LARGE1: variants seen among roughly 807,000 people sequenced by gnomAD.
LARGE1 encodes the protein LARGE xylosyl- and glucuronyltransferase 1, also known as xylosyl- and glucuronyltransferase LARGE1.
In LARGE1, 43 loss-of-function variants were observed where a neutral mutation model predicts 87.6. That is an observed-to-expected ratio of 0.49 (90% CI 0.38 to 0.63). LARGE1 has a LOEUF of 0.63. Ranked by LOEUF, LARGE1 falls within the 30% of genes least tolerant of loss-of-function variation. LARGE1 has a pLI of 0.00. For synonymous variants in LARGE1, 434 were observed against 394.6 expected, an observed-to-expected ratio of 1.10 and a Z score of -1.18; for missense variants, 802 against 1,000.2, an observed-to-expected ratio of 0.80 and a Z score of 2.67.
At chr22:33,651,842 G>A (rs894669910) in intron 2 of LARGE1, among the ~76,000 whole-genome samples, 2 of 152,190 alleles carry the variant, frequency 1.3e-5, no homozygotes, top group African/African-American at 4.8e-5. Context: ...GTGAGTGCCA[G>A]CAACACTCCA....
intron 1 of LARGE1, among the ~76,000 whole-genome samples, chr22:33,882,502 G>A (rs2267310): frequency 0.22 from 34,093 of 152,110 alleles, 4,391 homozygotes; most frequent in Admixed American, 0.33. Context: ...ATGCCAGCCA[G>A]GAGACCTCTC....
At chr22:33,535,471 A>T (rs920337283) in intron 6 of LARGE1, among the ~76,000 whole-genome samples, 6 of 151,794 alleles carry the variant, frequency 4.0e-5, no homozygotes, top group Non-Finnish European at 7.4e-5. Context: ...TGAACCCGGG[A>T]GGTGGAGGAA....
chr22:33,360,102 T>C (rs2064330402), intron 9 of LARGE1, among the ~76,000 whole-genome samples: 1 of 149,608 alleles, frequency 6.7e-6, no homozygotes. Flanking sequence ...TCACTTGAGG[T>C]TCGAGTTTGA....
At chr22:33,618,555 G>A (rs926511904) in intron 4 of LARGE1, among the ~76,000 whole-genome samples, 2 of 152,176 alleles carry the variant, frequency 1.3e-5, no homozygotes, top group Non-Finnish European at 2.9e-5. Flanking sequence ...AAATACCATT[G>A]ATCTCTTACC....
intron 11 of LARGE1, among the ~76,000 whole-genome samples, chr22:33,259,758 C>G (rs1233808968): frequency 6.6e-6 from 1 of 152,226 alleles, no homozygotes; most frequent in Non-Finnish European, 1.5e-5. Flanking sequence ...GTTCCACTCT[C>G]TGCTTCCAGA....
At chr22:33,907,836 A>G (rs1002905861) in intron 1 of LARGE1, among the ~76,000 whole-genome samples, 1 of 152,030 alleles carries the variant, frequency 6.6e-6, no homozygotes, top group African/African-American at 2.4e-5. Flanking sequence ...TGACCTCGTG[A>G]TCCACCCGCC....
rs201362486 is a variant in LARGE1 at position 33,623,656 on chromosome 22, GA to G, written c.491+2587del. Among the ~76,000 whole-genome samples, 800 of 145,030 alleles carry G rather than the reference GA, an allele frequency of 5.5e-3. 5 individuals are homozygous for G. The highest frequency in any genetic ancestry group is 0.019 in the African/African-American group (749 of 38,924). ...ACTGAACTAATAAGTAAATGTTTCA[GA>G]CCATTAAGTTTTAGGGTGAACTGAC... On this transcript the variant is annotated intron_variant, in intron 4 of 14. Coordinates refer to ENST00000397394, the MANE Select transcript of LARGE1 (RefSeq NM_133642.5).
At chr22:33,287,798 G>T (rs946944271) in intron 12 of LARGE1, among the ~76,000 whole-genome samples, 2 of 152,220 alleles carry the variant, frequency 1.3e-5, no homozygotes, top group Admixed American at 1.3e-4. Context: ...GGCCCACCCT[G>T]AGAAGCTGAG....
chr22:33,771,222 GGTTTGTTA>G (rs2085060280), intron 1 of LARGE1, among the ~76,000 whole-genome samples: 1 of 148,950 alleles, frequency 6.7e-6, no homozygotes, highest in Non-Finnish European at 1.5e-5. Context: ...ATGCTGCCAC[GGTTTGTTA>G]CTATAATCCC....
At chr22:33,736,093 T>C (rs2083646744) in intron 2 of LARGE1, among the ~76,000 whole-genome samples, 1 of 152,228 alleles carries the variant, frequency 6.6e-6, no homozygotes, top group African/African-American at 2.4e-5. Context: ...TAATGCTGTC[T>C]TGAAAAATTT....
chr22:33,352,716 C>CA (rs1466492834), intron 9 of LARGE1, among the ~76,000 whole-genome samples: 1 of 152,062 alleles, frequency 6.6e-6, no homozygotes, highest in African/African-American at 2.4e-5. Flanking sequence ...GAGCTGAGAT[C>CA]ACACCACTGC....
At chr22:33,728,747 G>A (rs1375493946) in intron 2 of LARGE1, among the ~76,000 whole-genome samples, 1 of 151,914 alleles carries the variant, frequency 6.6e-6, no homozygotes, top group African/African-American at 2.4e-5. Flanking sequence ...AGCTACTAGA[G>A]GGCAGGACCC....
At chr22:33,092,091 G>T in the LARGE1 span, among the ~76,000 whole-genome samples, 1 of 152,112 alleles carries the variant, frequency 6.6e-6, no homozygotes, top group East Asian at 1.9e-4. Context: ...GTAGAGACAG[G>T]GTTTCACCAT....
the LARGE1 span, among the ~76,000 whole-genome samples, chr22:33,137,672 C>T: frequency 5.9e-5 from 9 of 152,068 alleles, no homozygotes; most frequent in African/African-American, 2.2e-4. Context: ...GTGGGACAGG[C>T]CCAGGGTCCC....
chr22:33,895,356 T>C (rs1601868850), intron 1 of LARGE1, among the ~76,000 whole-genome samples: 1 of 152,158 alleles, frequency 6.6e-6, no homozygotes, highest in Non-Finnish European at 1.5e-5. Context: ...GGCTACATAT[T>C]AGTTATCTAT....
chr22:33,862,396 GAAC>G (rs1253855988), intron 1 of LARGE1, among the ~76,000 whole-genome samples: 2 of 152,206 alleles, frequency 1.3e-5, no homozygotes, highest in African/African-American at 4.8e-5. Context: ...CGAACATCTT[GAAC>G]AATACAGGCG....
chr22:33,423,612 G>A (rs1231342685), intron 7 of LARGE1, among the ~76,000 whole-genome samples: 1 of 149,958 alleles, frequency 6.7e-6, no homozygotes, highest in Non-Finnish European at 1.5e-5. Flanking sequence ...CCCCGGAGAC[G>A]AAGGTTGCAG....
intron 2 of LARGE1, among the ~76,000 whole-genome samples, chr22:33,662,085 A>AAG (rs1204038035): frequency 1.3e-5 from 2 of 151,168 alleles, no homozygotes; most frequent in Admixed American, 6.6e-5. Context: ...CCAAAAAAAA[A>AAG]AAAAAAAAAA....
chr22:33,723,258 G>A (rs547667333), intron 2 of LARGE1, among the ~76,000 whole-genome samples: 13 of 152,318 alleles, frequency 8.5e-5, no homozygotes, highest in African/African-American at 2.9e-4. Context: ...CGGAGTTGCA[G>A]TAGTGAATTT....
Sources: gnomAD v4.1 joint callset for allele counts (sites outside exome capture counted in the v4.1 genomes callset) on GRCh38, gnomAD v4.1.1 for gene constraint, MANE v1.5 for transcripts, NCBI Gene and HGNC (gene_info 2026-07-23, HGNC 2026-07-21) for gene names.